NUMB: variants seen among roughly 807,000 people sequenced by gnomAD.
NUMB encodes the protein NUMB endocytic adaptor protein.
Under a neutral mutation model 59.7 loss-of-function variants are expected in NUMB, and 29 were observed. The observed-to-expected ratio is 0.49, with a 90% CI of 0.36 to 0.66. NUMB has a LOEUF of 0.66. Ranked by LOEUF, NUMB falls within the 30% of genes least tolerant of loss-of-function variation. The probability of loss-of-function intolerance (pLI) is 0.00; values close to 1 mark genes in which losing one functional copy is unlikely to be tolerated. For missense variants in NUMB, 723 were observed against 822.0 expected (o/e 0.88, Z 1.47); for synonymous variants, 288 against 288.2 (o/e 1.00, Z 0.01).
intron 3 of NUMB, among the ~76,000 whole-genome samples, chr14:73,360,274 G>T (rs1375394002): frequency 1.3e-5 from 2 of 151,756 alleles, no homozygotes; most frequent in Non-Finnish European, 2.9e-5. Flanking sequence ...GTATGGCCCC[G>T]GCTGGGCACG....
intron 1 of NUMB, among the ~76,000 whole-genome samples, chr14:73,428,947 A>G (rs553674203): frequency 1.1e-4 from 16 of 152,348 alleles, no homozygotes; most frequent in African/African-American, 3.8e-4. Flanking sequence ...GAAAAAACAC[A>G]TAACTATGTA....
At chr14:73,373,520 T>C (rs1190504998) in intron 2 of NUMB, among the ~76,000 whole-genome samples, 3 of 152,216 alleles carry the variant, frequency 2.0e-5, no homozygotes, top group Non-Finnish European at 2.9e-5. Flanking sequence ...TCATGGGACT[T>C]ACATTCTAGT....
chr14:73,346,526 T>C (rs914391283), intron 4 of NUMB, among the ~76,000 whole-genome samples: 2 of 151,990 alleles, frequency 1.3e-5, no homozygotes, highest in Non-Finnish European at 2.9e-5. Flanking sequence ...GCAGATAGAA[T>C]TGCAAGACGA....
intron 4 of NUMB, among the ~76,000 whole-genome samples, chr14:73,341,709 C>CA (rs774137239): frequency 6.6e-6 from 1 of 152,120 alleles, no homozygotes; most frequent in Non-Finnish European, 1.5e-5. Context: ...GTTACCATGC[C>CA]TGTTGTTTTG....
At chr14:73,427,384 G>T (rs530444157) in intron 1 of NUMB, among the ~76,000 whole-genome samples, 18 of 152,058 alleles carry the variant, frequency 1.2e-4, no homozygotes, top group African/African-American at 4.3e-4. Context: ...AGAATCGCTT[G>T]AACCTCGGAG....
At chr14:73,299,543 CAT>C (rs1040192608) in intron 6 of NUMB, among the ~76,000 whole-genome samples, 2 of 126,626 alleles carry the variant, frequency 1.6e-5, no homozygotes, top group African/African-American at 6.5e-5. Context: ...ATATATATGT[CAT>C]ATATGTATCA....
chr14:73,312,277 C>T (rs112932498), intron 6 of NUMB, among the ~76,000 whole-genome samples: 17,962 of 151,630 alleles, frequency 0.12, 1,596 homozygotes, highest in Non-Finnish European at 0.17. Context: ...GCCTGTGGTC[C>T]CAGCTACTTG....
intron 4 of NUMB, among the ~76,000 whole-genome samples, chr14:73,333,073 T>C (rs1892077805): frequency 6.6e-6 from 1 of 152,192 alleles, no homozygotes; most frequent in Non-Finnish European, 1.5e-5. Context: ...GAAGTACCTG[T>C]TTTCAATTCT....
chr14:73,361,294 T>C (rs1894085728), intron 3 of NUMB, among the ~76,000 whole-genome samples: 1 of 152,204 alleles, frequency 6.6e-6, no homozygotes, highest in Non-Finnish European at 1.5e-5. Context: ...GTAGAAAGCA[T>C]TGGCTTCTGT....
chr14:73,458,168 T>G (rs1337699820), intron 1 of NUMB: 1 of 152,182 alleles, frequency 6.6e-6, no homozygotes, highest in African/African-American at 2.4e-5. Context: ...AGATACCTAC[T>G]CCTCACACAG....
chr14:73,407,163 A>G (rs1896710572), intron 2 of NUMB, among the ~76,000 whole-genome samples: 1 of 151,156 alleles, frequency 6.6e-6, no homozygotes, highest in South Asian at 2.1e-4. Context: ...TTTAAATGCA[A>G]AAAAAAAACA....
intron 1 of NUMB, among the ~76,000 whole-genome samples, chr14:73,421,867 C>T (rs1214873451): frequency 6.6e-6 from 1 of 151,994 alleles, no homozygotes; most frequent in Non-Finnish European, 1.5e-5. Context: ...GGCCGGGTAC[C>T]GTGGCTCACA....
chr14:73,445,122 A>C (rs778375839), intron 1 of NUMB, among the ~76,000 whole-genome samples: 1 of 152,036 alleles, frequency 6.6e-6, no homozygotes, highest in Non-Finnish European at 1.5e-5. Context: ...TAGCTGTAAC[A>C]CTACTAACGT....
At chr14:73,368,882 T>C (rs531403504) in intron 2 of NUMB, among the ~76,000 whole-genome samples, 4 of 152,060 alleles carry the variant, frequency 2.6e-5, no homozygotes, top group Non-Finnish European at 4.4e-5. Flanking sequence ...ACTGCAGCAT[T>C]TGAAAAGTGG....
At chr14:73,388,174 C>A (rs1397803299) in intron 2 of NUMB, among the ~76,000 whole-genome samples, 2 of 152,110 alleles carry the variant, frequency 1.3e-5, no homozygotes, top group Non-Finnish European at 2.9e-5. Flanking sequence ...TGGTTAATGG[C>A]TACCATATTG....
chr14:73,300,349 G>C lies in NUMB; in HGVS notation c.235-3064C>G, dbSNP rs542977511. On this transcript the variant is annotated intron_variant, in intron 6 of 12. Coordinates refer to ENST00000555238, the MANE Select transcript of NUMB (RefSeq NM_001005743.2). Reference sequence around the variant, plus strand: ...GATGAAGACAGATTTGTAAAGGAGGGAGTAGCAAGTGGAGGAAATTCACTC... The same window carrying C: ...GATGAAGACAGATTTGTAAAGGAGGCAGTAGCAAGTGGAGGAAATTCACTC... Among the ~76,000 whole-genome samples, 11 of 152,252 alleles carry C rather than the reference G, an allele frequency of 7.2e-5. No individual in the cohort carries two copies. In the East Asian group the frequency reaches 1.9e-3, roughly 27 times the overall value.
At chr14:73,370,509 T>C (rs971754058) in intron 2 of NUMB, among the ~76,000 whole-genome samples, 2 of 152,032 alleles carry the variant, frequency 1.3e-5, no homozygotes, top group African/African-American at 4.8e-5. Flanking sequence ...CTGACCAACA[T>C]GGAGAAACCC....
chr14:73,306,564 C>G (rs1890441091), intron 6 of NUMB, among the ~76,000 whole-genome samples: 1 of 152,192 alleles, frequency 6.6e-6, no homozygotes, highest in African/African-American at 2.4e-5. Flanking sequence ...CATGTTTTCT[C>G]TCATCCCAAT....
At chr14:73,374,884 C>G (rs1405798898) in intron 2 of NUMB, among the ~76,000 whole-genome samples, 4 of 151,954 alleles carry the variant, frequency 2.6e-5, no homozygotes, top group African/African-American at 9.7e-5. Flanking sequence ...CCATGCCCAG[C>G]TAATTTTTGC....
Sources: allele counts gnomAD v4.1 joint callset (sites outside exome capture counted in the v4.1 genomes callset), GRCh38; gene constraint gnomAD v4.1.1; transcripts MANE v1.5; gene names NCBI Gene and HGNC (gene_info 2026-07-23, HGNC 2026-07-21).